MOSMO: variants seen among roughly 807,000 people sequenced by gnomAD.
MOSMO encodes the protein modulator of smoothened.
In MOSMO, 5 loss-of-function variants were observed where a neutral mutation model predicts 18.4. The ratio of observed to expected loss-of-function variants is 0.27; its 90% CI spans 0.14 to 0.57. The LOEUF (loss-of-function observed/expected upper bound fraction) is 0.57, where lower values mean the gene tolerates loss of function less well. MOSMO is among the 20% of genes least tolerant of loss of function. MOSMO has a pLI of 0.92. For synonymous variants in MOSMO, 82 were observed against 82.3 expected (o/e 1.00, Z 0.02); for missense variants, 138 against 211.8 (o/e 0.65, Z 2.16).
At chr16:22,080,042 C>T (rs1269316292) in intron 2 of MOSMO, among the ~76,000 whole-genome samples, 6 of 152,130 alleles carry the variant, frequency 3.9e-5, no homozygotes, top group African/African-American at 1.2e-4. Context: ...CCTCGGCCCC[C>T]CAAAGTGCTG....
intron 1 of MOSMO, among the ~76,000 whole-genome samples, chr16:22,017,803 CGGA>C (rs1298994055): frequency 1.5e-4 from 23 of 152,156 alleles, no homozygotes; most frequent in Admixed American, 1.2e-3. Flanking sequence ...GCAAATTACA[CGGA>C]GGAGAATTCT....
At chr16:22,025,261 T>C (rs1899853413) in intron 1 of MOSMO, among the ~76,000 whole-genome samples, 1 of 152,164 alleles carries the variant, frequency 6.6e-6, no homozygotes, top group Non-Finnish European at 1.5e-5. Context: ...GCTTGGCACA[T>C]AGCACTATGT....
intron 1 of MOSMO, among the ~76,000 whole-genome samples, chr16:22,022,734 G>A (rs1478003078): frequency 6.6e-6 from 1 of 152,108 alleles, no homozygotes; most frequent in African/African-American, 2.4e-5. Context: ...AGGCAGAGGG[G>A]ATTTGGGGAG....
At chr16:22,063,491 G>C (rs908538508) in intron 1 of MOSMO, among the ~76,000 whole-genome samples, 3 of 152,190 alleles carry the variant, frequency 2.0e-5, no homozygotes, top group African/African-American at 7.2e-5. Flanking sequence ...AAATGTGAGT[G>C]TTCATTTTGA....
At chr16:22,022,055 C>A (rs558292426) in intron 1 of MOSMO, among the ~76,000 whole-genome samples, 3 of 152,154 alleles carry the variant, frequency 2.0e-5, no homozygotes, top group Non-Finnish European at 4.4e-5. Context: ...GGATTAATCT[C>A]TTATCACATT....
intron 1 of MOSMO, among the ~76,000 whole-genome samples, chr16:22,064,724 TA>T (rs1900716477): frequency 6.6e-6 from 1 of 152,212 alleles, no homozygotes; most frequent in Admixed American, 6.5e-5. Flanking sequence ...TTTTAAAATT[TA>T]AAGCAAACAT....
intron 1 of MOSMO, 117 bp downstream of exon 1, chr16:22,008,524 G>T: frequency 1.5e-6 from 1 of 666,618 alleles, no homozygotes; most frequent in East Asian, 3.4e-5. Context: ...CTAGCCTGAG[G>T]AGACCGGGGG....
chr16:22,008,498 G>A lies in MOSMO; in HGVS notation c.106+91G>A. ...CGGACTGAGGAGAGGACGGGGTGGAGGGTCCCGGCCGGAGGCTAGCCTGAG... is the reference window on the plus strand; with the variant it reads ...CGGACTGAGGAGAGGACGGGGTGGAAGGTCCCGGCCGGAGGCTAGCCTGAG... On this transcript the variant is annotated intron_variant, in intron 1 of 2. Transcript: ENST00000542527. 6.0e-6 allele frequency: 5 copies of A among 832,374 alleles called. No homozygotes were observed. The South Asian group carries it at 7.7e-5, about 13-fold the overall frequency. The allele number at this position is 832,374 out of a possible 1,614,324, so 51.6% of individuals were successfully genotyped here.
chr16:22,020,415 C>T (rs1297956650), intron 1 of MOSMO, among the ~76,000 whole-genome samples: 1 of 150,878 alleles, frequency 6.6e-6, no homozygotes, highest in Non-Finnish European at 1.5e-5. Context: ...CTGCCTCAGC[C>T]TCTCAAGTAG....
In MOSMO at chr16:22,008,328, ATG is replaced by A. The variant is rs1203018854; in HGVS notation, c.29_30del (p.Cys10SerfsTer115). 2 of 1,532,582 alleles carry A rather than the reference ATG, an allele frequency of 1.3e-6. No individual in the cohort carries two copies. Among genetic ancestry groups the A allele is most frequent in the Non-Finnish European group, 1.7e-6 (2 of 1,145,592 alleles). 94.9% of individuals were successfully genotyped at this position (1,532,582 alleles called of 1,614,324 possible). On this transcript the variant is annotated frameshift_variant, in exon 1 of 3. Coordinates refer to ENST00000542527, the MANE Select transcript of MOSMO (RefSeq NM_001164579.2). LOFTEE classifies it high-confidence loss of function. MDKLTIISGCLFLAADIFAI... is the reference protein window; with the variant it reads MDKLTIISGXLFLAADIFAI... The stretch of plus-strand genomic sequence containing the variant: ...TGGATAAACTGACCATCATCTCAGG[ATG>A]TCTCTTTCTGGCCGCCGATATCTTC...
chr16:22,016,242 G>T (rs2141980852), intron 1 of MOSMO, among the ~76,000 whole-genome samples: 1 of 152,256 alleles, frequency 6.6e-6, no homozygotes, highest in South Asian at 2.1e-4. Context: ...CTATAAAATG[G>T]AGACAATACA....
intron 1 of MOSMO, among the ~76,000 whole-genome samples, chr16:22,009,804 C>CAAAAAAAAAA (rs56313303): frequency 0.014 from 507 of 35,954 alleles, 2 homozygotes; most frequent in Middle Eastern, 0.038. Context: ...ACTAAAAATA[C>CAAAAAAAAAA]AAAAAAAAAA....
Position 22,081,284 on chromosome 16 carries a change from G to A in MOSMO, c.*404G>A, listed in dbSNP as rs1457208623. On this transcript the variant is annotated 3_prime_UTR_variant, in exon 3 of 3. Coordinates refer to ENST00000542527, the MANE Select transcript of MOSMO (RefSeq NM_001164579.2). ...GAAAAAAAAAAGTCTAAGTATTTAT[G>A]TGTCATGGTGGACCAGAGGGATGCA... The A allele has an allele frequency of 1.3e-5, 2 of 152,136 alleles. No homozygotes were observed. The highest frequency in any genetic ancestry group is 4.8e-5 in the African/African-American group (2 of 41,350). The allele number at this position is 152,136 out of a possible 1,614,324, so 9.4% of individuals were successfully genotyped here. A position where few individuals can be genotyped will look rare whatever the true frequency, so the allele number is the denominator to read the frequency against.
At chr16:22,016,817 T>C (rs1258667327) in intron 1 of MOSMO, among the ~76,000 whole-genome samples, 2 of 152,202 alleles carry the variant, frequency 1.3e-5, no homozygotes, top group African/African-American at 2.4e-5. Context: ...CCAATAGTTA[T>C]GCAGGTTTAG....
chr16:22,039,303 AC>A (rs1426414731), intron 1 of MOSMO, among the ~76,000 whole-genome samples: 5 of 152,158 alleles, frequency 3.3e-5, no homozygotes, highest in African/African-American at 1.2e-4. Context: ...AAGCTAGGTG[AC>A]CTTAGGCAAG....
At chr16:22,049,066 T>G (rs1260037206) in intron 1 of MOSMO, among the ~76,000 whole-genome samples, 3 of 152,200 alleles carry the variant, frequency 2.0e-5, no homozygotes, top group Non-Finnish European at 4.4e-5. Context: ...TGTTGCCAAA[T>G]TGCGCTGAGG....
chr16:22,030,912 C>A (rs1269479169), intron 1 of MOSMO, among the ~76,000 whole-genome samples: 3 of 152,180 alleles, frequency 2.0e-5, no homozygotes, highest in Non-Finnish European at 4.4e-5. Flanking sequence ...TAGTTTATCC[C>A]ATTTTTTGAA....
At chr16:22,076,273 C>T (rs1218033747) in intron 2 of MOSMO, 1 of 152,282 alleles carries the variant, frequency 6.6e-6, no homozygotes, top group Non-Finnish European at 1.5e-5. Flanking sequence ...TTTCACAACA[C>T]ATCAGAGATT....
intron 2 of MOSMO, among the ~76,000 whole-genome samples, chr16:22,079,494 G>A (rs1298164707): frequency 6.6e-6 from 1 of 152,190 alleles, no homozygotes; most frequent in Non-Finnish European, 1.5e-5. Context: ...AAGGGAGCAG[G>A]CCATTTGCTG....
Sources: gnomAD v4.1 joint callset for allele counts (sites outside exome capture counted in the v4.1 genomes callset) on GRCh38, gnomAD v4.1.1 for gene constraint, MANE v1.5 for transcripts, NCBI Gene and HGNC (gene_info 2026-07-23, HGNC 2026-07-21) for gene names.